Variants in FLNB observed in about 807,000 individuals in gnomAD.
The protein encoded by FLNB is filamin-B.
Under a neutral mutation model 250.6 loss-of-function variants are expected in FLNB, and 111 were observed. That is an observed-to-expected ratio of 0.44 (90% confidence interval 0.38 to 0.52). The LOEUF is 0.52. Ranked by LOEUF, FLNB falls within the 20% of genes least tolerant of loss-of-function variation. The probability of loss-of-function intolerance (pLI) is 0.00; values close to 1 mark genes in which losing one functional copy is unlikely to be tolerated. For synonymous variants in FLNB, 1,302 were observed against 1,372.1 expected (o/e 0.95, Z 1.13); for missense variants, 2,869 against 3,447.8 (o/e 0.83, Z 4.20).
chr3:58,098,940 CT>C, intron 8 of FLNB, 32 bp downstream of exon 8: 1 of 1,594,508 alleles, frequency 6.3e-7, no homozygotes, highest in Non-Finnish European at 8.6e-7. Context: ...ACATGTGCTT[CT>C]CATAGGGAAG....
At chr3:58,111,752 T>C (rs1346382146) in intron 16 of FLNB, 39 bp from the exon 17 acceptor site, 2 of 1,507,578 alleles carry the variant, frequency 1.3e-6, no homozygotes, top group Non-Finnish European at 1.8e-6. Context: ...TGGCTGTTGC[T>C]TCAGGGGCTT....
intron 40 of FLNB, 63 bp from the exon 41 acceptor site, chr3:58,155,896 GA>G: frequency 8.6e-7 from 1 of 1,159,880 alleles, no homozygotes; most frequent in South Asian, 1.2e-5. Flanking sequence ...AGCCCTTGGT[GA>G]GAAGCAAGAG....
intron 1 of FLNB, among the ~76,000 whole-genome samples, chr3:58,012,639 C>T (rs1279624145): frequency 6.6e-6 from 1 of 152,134 alleles, no homozygotes; most frequent in Non-Finnish European, 1.5e-5. Context: ...AGGATGAATC[C>T]TCTGGGCTGT....
intron 36 of FLNB, chr3:58,149,170 T>A (rs996233181): frequency 1.0e-5 from 4 of 389,322 alleles, no homozygotes; most frequent in African/African-American, 6.2e-5. Flanking sequence ...CTTCCCAGCG[T>A]CTCTCCAAGC....
chr3:58,008,548 C>T lies in FLNB; in HGVS notation c.-17C>T. The T allele has an allele frequency of 6.4e-7, 1 of 1,572,676 alleles. No homozygotes were observed. On this transcript the variant is annotated 5_prime_UTR_variant, in exon 1 of 46. Coordinates refer to ENST00000295956, the MANE Select transcript of FLNB (RefSeq NM_001457.4). The stretch of plus-strand genomic sequence containing the variant: ...CCCCGGCAGCTCGTTGCGCATTGCG[C>T]TCTCCCCGCCACCAGGATGCCGGTA...
At chr3:58,050,193 C>A (rs1027860970) in intron 1 of FLNB, among the ~76,000 whole-genome samples, 3 of 151,994 alleles carry the variant, frequency 2.0e-5, no homozygotes, top group Non-Finnish European at 4.4e-5. Context: ...CCACACCCAG[C>A]TAATTTTTGT....
Position 58,132,855 on chromosome 3 carries a change from A to C in FLNB, c.4438A>C (p.Thr1480Pro), listed in dbSNP as rs201292963. 2.2e-5 allele frequency: 36 copies of C among 1,614,028 alleles called. No homozygotes were observed. Among genetic ancestry groups the C allele is most frequent in the Non-Finnish European group, 3.1e-5 (36 of 1,179,986 alleles). ...GGTGGACAATGGAGATGGCACACAC[A>C]CAGTAACCTACACCCCATCTCAGGA... Reference protein sequence around the residue: ...NVVDNGDGTHTVTYTPSQEGP... With the variant: ...NVVDNGDGTHPVTYTPSQEGP... Residue 1480 changes from threonine (T) to proline (P), a missense_variant, in exon 26 of 46, where the codon ACA (threonine) becomes CCA (proline). Thr to Pro is a conservative substitution (Grantham distance 38, BLOSUM62 -1). Around this residue, in one of 5 missense-constraint regions of FLNB, gnomAD observed 126 missense variants for 182.0 expected, o/e 0.69. Transcript: ENST00000295956.
At position 58,145,849 on chromosome 3, in the gene FLNB, A is replaced by G. The variant is rs537614586; in HGVS notation, c.5426-72A>G. ...GACCTGTAGAGAGGTGGACGTCAAG[A>G]TGCCAGTTGTCCAGGGTCTTCGTTC... On this transcript the variant is annotated intron_variant, in intron 32 of 45. Coordinates refer to ENST00000295956, the MANE Select transcript of FLNB (RefSeq NM_001457.4). 1.5e-4 allele frequency: 233 copies of G among 1,602,308 alleles called. 2 individuals carry two copies. The South Asian group carries it at 2.4e-3, about 17-fold the overall frequency.
intron 1 of FLNB, among the ~76,000 whole-genome samples, chr3:58,018,213 GA>G (rs756406480): frequency 6.6e-6 from 1 of 150,670 alleles, no homozygotes; most frequent in African/African-American, 2.4e-5. Flanking sequence ...TATGAGAAAA[GA>G]AAAGAACTTT....
At chr3:58,127,210 C>T (rs992269909) in intron 24 of FLNB, among the ~76,000 whole-genome samples, 1 of 151,738 alleles carries the variant, frequency 6.6e-6, no homozygotes, top group Non-Finnish European at 1.5e-5. Flanking sequence ...GTAATCCTAG[C>T]TATGTGGGGT....
chr3:58,010,792 A>G (rs754900270), intron 1 of FLNB, among the ~76,000 whole-genome samples: 15 of 152,168 alleles, frequency 9.9e-5, no homozygotes, highest in Non-Finnish European at 1.9e-4. Flanking sequence ...TGATCTACCC[A>G]CTGTTTACAG....
Position 58,061,435 on chromosome 3 carries a change from G to GT in FLNB, c.293-15610dup, listed in dbSNP as rs571447983. ...ATGTATGTCAAGATTTATTATAAAA[G>GT]TAACAGATGGGTAGGGCATGGTGGC... On this transcript the variant is annotated intron_variant, in intron 1 of 45. Transcript: ENST00000295956. 2.1e-3 allele frequency among the ~76,000 whole-genome samples: 314 copies of GT among 152,208 alleles called. 3 individuals carry two copies. Among genetic ancestry groups the GT allele is most frequent in the African/African-American group, 7.2e-3 (297 of 41,532 alleles).
intron 1 of FLNB, among the ~76,000 whole-genome samples, chr3:58,036,126 A>G (rs974381304): frequency 1.3e-5 from 2 of 152,178 alleles, no homozygotes; most frequent in African/African-American, 4.8e-5. Flanking sequence ...ACAGAATGAG[A>G]AGGACGTGGA....
chr3:58,138,388 T>C lies in FLNB; in HGVS notation c.4968T>C (p.Asp1656=), dbSNP rs1183492740. Reference sequence around the variant, plus strand: ...TGACCTGCACGGTTCTGACCCCAGATGGCACTGAGGCCGAGGCCGATGTCA... The same window carrying C: ...TGACCTGCACGGTTCTGACCCCAGACGGCACTGAGGCCGAGGCCGATGTCA... The part of the protein sequence containing the change: ...GKVTCTVLTP[D]GTEAEADVIE... Residue 1656 remains aspartate (D), a synonymous_variant, in exon 29 of 46, where the codon GAT becomes GAC. Coordinates refer to ENST00000295956, the MANE Select transcript of FLNB (RefSeq NM_001457.4). The C allele has an allele frequency of 6.2e-7, 1 of 1,614,226 alleles. No individual in the cohort carries two copies. Among genetic ancestry groups the C allele is most frequent in the Admixed American group, 1.7e-5 (1 of 60,026 alleles).
At chr3:58,152,182 G>A (rs958454821) in intron 38 of FLNB, among the ~76,000 whole-genome samples, 1 of 152,184 alleles carries the variant, frequency 6.6e-6, no homozygotes, top group South Asian at 2.1e-4. Flanking sequence ...GACTCTGGGT[G>A]AGGCTCGATT....
At position 58,168,612 on chromosome 3, in the gene FLNB, T is replaced by C; in HGVS notation, c.7371T>C (p.Gly2457=). The C allele has an allele frequency of 3.7e-6, 6 of 1,614,160 alleles. No homozygotes were observed. Among genetic ancestry groups the C allele is most frequent in the Non-Finnish European group, 5.1e-6 (6 of 1,180,008 alleles). ...ACTACCTGATCAGCGTCAAATACGG[T>C]GGGCCCAACCACATCGTGGGCAGTC... ...PGNYLISVKY[G]GPNHIVGSPF... is the part of the protein sequence containing the mutation. The change falls in exon 44 of 46, where the codon GGT becomes GGC. Residue 2457 remains glycine, a synonymous_variant. Coordinates refer to ENST00000295956, the MANE Select transcript of FLNB (RefSeq NM_001457.4).
At position 58,108,462 on chromosome 3, in the gene FLNB, G is replaced by A. The variant is rs145910735; in HGVS notation, c.1946G>A (p.Arg649Gln). The A allele has an allele frequency of 1.9e-4, 298 of 1,610,242 alleles. 1 individual carries two copies. The highest frequency in any genetic ancestry group is 2.5e-4 in the Admixed American group (15 of 59,982). ...ATGGYNPDLV[R>Q]AYGPGLEKSG... ...TACTATCTGCCTTTGCTTCAGGTTC[G>A]AGCATACGGGCCAGGTTTGGAGAAA... Residue 649 changes from arginine to glutamine, a missense_variant, in exon 13 of 46, where the codon CGA becomes CAA. By Grantham distance (43) the Arg-to-Gln change is conservative. Transcript: ENST00000295956.
chr3:58,099,095 GCCACGCAGAGA>G (rs753146715), intron 8 of FLNB, among the ~76,000 whole-genome samples, 187 bp downstream of exon 8: 30 of 152,122 alleles, frequency 2.0e-4, no homozygotes, highest in Non-Finnish European at 1.8e-4. Context: ...TCTTCTATGA[GCCACGCAGAGA>G]CCTAAATGCT....
intron 26 of FLNB, among the ~76,000 whole-genome samples, chr3:58,134,213 A>G (rs2097312404): frequency 2.0e-5 from 3 of 152,186 alleles, no homozygotes; most frequent in African/African-American, 7.2e-5. Flanking sequence ...TTAGATTCTC[A>G]TAGGAGTGCG....
Sources: gnomAD v4.1 joint callset for allele counts (sites outside exome capture counted in the v4.1 genomes callset) on GRCh38, gnomAD v4.1.1 for gene constraint, gnomAD v4.1.1 regional missense constraint, MANE v1.5 for transcripts, NCBI Gene and HGNC (gene_info 2026-07-23, HGNC 2026-07-21) for gene names.